SLC7A5: variants seen among roughly 807,000 people sequenced by gnomAD.
The protein encoded by SLC7A5 is large neutral amino acids transporter small subunit 1.
SLC7A5 carries 23 observed loss-of-function variants against 50.2 expected under a neutral mutation model. That is an observed-to-expected ratio of 0.46 (90% confidence interval 0.33 to 0.65). SLC7A5 has a LOEUF of 0.65. SLC7A5 is among the 30% of genes least tolerant of loss of function. The pLI is 0.02. For missense variants in SLC7A5, 578 were observed against 684.4 expected, an observed-to-expected ratio of 0.84 and a Z score of 1.73; for synonymous variants, 393 against 330.6, an observed-to-expected ratio of 1.19 and a Z score of -2.05.
chr16:87,834,452 C>T lies in SLC7A5; in HGVS notation c.1430G>A (p.Trp477Ter). Residue 477 changes from tryptophan to a stop codon, truncating the protein, a stop_gained, in exon 9 of 10, where the codon TGG becomes TAG. Coordinates refer to ENST00000261622, the MANE Select transcript of SLC7A5 (RefSeq NM_003486.7). LOFTEE classifies it high-confidence loss of function. ...SGLPVYFFGVWWKNKPKWLLQ... is the reference protein window; with the variant it reads ...SGLPVYFFGV ...GAGCCACTTGGGCTTGTTTTTCCAC[C>T]AGACCCCGAAGAAGTAGACGGGCAG... 1.3e-6 allele frequency: 2 copies of T among 1,561,102 alleles called. No homozygotes were observed. Among genetic ancestry groups the T allele is most frequent in the Non-Finnish European group, 8.7e-7 (1 of 1,152,340 alleles).
chr16:87,867,132 C>G (rs919510805), intron 1 of SLC7A5, among the ~76,000 whole-genome samples: 2 of 152,166 alleles, frequency 1.3e-5, no homozygotes, highest in African/African-American at 4.8e-5. Context: ...GTTGGTCAGG[C>G]TGGTCTCGAA....
intron 1 of SLC7A5, among the ~76,000 whole-genome samples, chr16:87,855,579 G>A (rs910960795): frequency 1.3e-5 from 2 of 151,934 alleles, no homozygotes; most frequent in African/African-American, 4.8e-5. Context: ...CCTGATGCCC[G>A]TGAACGCTCA....
rs1460326082 is a variant in SLC7A5 at position 87,834,561 on chromosome 16, G to A, written c.1321C>T (p.Leu441=). Residue 441 remains leucine (L), a synonymous_variant, in exon 9 of 10, where the codon CTG becomes TTG. Coordinates refer to ENST00000261622, the MANE Select transcript of SLC7A5 (RefSeq NM_003486.7). ...VNLALPVFFI[L]ACLFLIAVSF... ...ACGGCGATCAGGAAGAGGCAGGCCA[G>A]GATGAAGAACACAGGCAGGGCCAGG... 1 of 1,598,016 alleles carries A rather than the reference G, an allele frequency of 6.3e-7. No individual in the cohort carries two copies. The highest frequency in any genetic ancestry group is 1.8e-5 in the Admixed American group (1 of 56,434).
intron 4 of SLC7A5, 40 bp from the exon 5 acceptor site, chr16:87,839,865 G>A (rs33967518): frequency 0.053 from 85,605 of 1,611,880 alleles, 3,028 homozygotes; most frequent in South Asian, 0.15. Context: ...AACGCAGCCC[G>A]GGCTGAAGGC....
chr16:87,843,254 G>A (rs1014609928), intron 2 of SLC7A5, among the ~76,000 whole-genome samples: 2 of 151,676 alleles, frequency 1.3e-5, no homozygotes, highest in African/African-American at 4.8e-5. Flanking sequence ...CACAGAGGGT[G>A]GCTGCTTTTG....
At chr16:87,838,236 C>T (rs956520920) in intron 6 of SLC7A5, among the ~76,000 whole-genome samples, 5 of 150,724 alleles carry the variant, frequency 3.3e-5, no homozygotes, top group Admixed American at 2.0e-4. Flanking sequence ...AGTGGGGAGG[C>T]GAGGGCCAAA....
chr16:87,867,158 G>A (rs1416425089), intron 1 of SLC7A5, among the ~76,000 whole-genome samples: 4 of 152,226 alleles, frequency 2.6e-5, no homozygotes, highest in Admixed American at 2.6e-4. Context: ...GACCTCGGTA[G>A]ATCCGCCCGT....
intron 1 of SLC7A5, among the ~76,000 whole-genome samples, chr16:87,863,183 C>G (rs2055420455): frequency 6.6e-6 from 1 of 152,200 alleles, no homozygotes; most frequent in Non-Finnish European, 1.5e-5. Flanking sequence ...GTATCTTCTC[C>G]ACGATGCAGT....
At position 87,832,210 on chromosome 16, in the gene SLC7A5, A is replaced by G. The variant is rs1420992152; in HGVS notation, c.*760T>C. ...TCAGCCTCCAAAACTGGACACAGAA[A>G]TAGCCAAGAGGCCACACTGCCCAGA... On this transcript the variant is annotated 3_prime_UTR_variant, in exon 10 of 10. Transcript: ENST00000261622. The surrounding 1 kb of genome is among the most constrained non-coding windows in gnomAD (Gnocchi z 4.6). The G allele has an allele frequency of 6.6e-6, 1 of 152,304 alleles. No homozygotes were observed. Among genetic ancestry groups the G allele is most frequent in the Non-Finnish European group, 1.5e-5 (1 of 68,108 alleles). The allele number at this position is 152,304 out of a possible 1,614,324, so 9.4% of individuals were successfully genotyped here.
chr16:87,850,899 C>T (rs1346309572), intron 2 of SLC7A5, among the ~76,000 whole-genome samples: 2 of 152,166 alleles, frequency 1.3e-5, no homozygotes, highest in African/African-American at 4.8e-5. Flanking sequence ...GTTAAAGGGT[C>T]CAGAGACACC....
At chr16:87,840,983 G>C in intron 3 of SLC7A5, 67 bp downstream of exon 3, 1 of 1,101,314 alleles carries the variant, frequency 9.1e-7, no homozygotes, top group Admixed American at 1.7e-5. Flanking sequence ...TGGGAGATTT[G>C]GGATTCCTGG....
At chr16:87,836,393 TCCAGAGGCTGAG>T (rs1026540662) in intron 8 of SLC7A5, 93 bp downstream of exon 8, 8 of 1,337,974 alleles carry the variant, frequency 6.0e-6, no homozygotes, top group Non-Finnish European at 8.4e-6. Context: ...CAGGGGCAGG[TCCAGAGGCTGAG>T]CTGGGATGCT....
At chr16:87,842,285 C>G (rs926088924) in intron 2 of SLC7A5, among the ~76,000 whole-genome samples, 1 of 152,182 alleles carries the variant, frequency 6.6e-6, no homozygotes, top group Non-Finnish European at 1.5e-5. Context: ...CTCACAGGGC[C>G]AGGCAGGGAC....
At chr16:87,855,035 G>A (rs1335955677) in intron 1 of SLC7A5, among the ~76,000 whole-genome samples, 2 of 152,244 alleles carry the variant, frequency 1.3e-5, no homozygotes, top group African/African-American at 4.8e-5. Context: ...CCAGGGCCTT[G>A]GCCAGGACAC....
rs184446886 is a variant in SLC7A5, at chr16:87,853,890, A to G, written c.539-2041T>C. ...GACAGGCGCTGCGGAGACACTGAGC[A>G]CTGCCCTCGCGGCTGTCACGTCTGC... On this transcript the variant is annotated intron_variant, in intron 1 of 9. Coordinates refer to ENST00000261622, the MANE Select transcript of SLC7A5 (RefSeq NM_003486.7). This position sits in a 1 kb window ranked among gnomAD's most constrained non-coding sequence, Gnocchi z 4.4. 0.066 allele frequency: 9,945 copies of G among 151,784 alleles called. 399 individuals carry two copies. The highest frequency in any genetic ancestry group is 0.25 in the Middle Eastern group (73 of 294). 9.4% of individuals were successfully genotyped at this position (151,784 alleles called of 1,614,324 possible). A position where few individuals can be genotyped will look rare whatever the true frequency, so the allele number is the denominator to read the frequency against.
chr16:87,850,864 C>G (rs1379427701), intron 2 of SLC7A5, among the ~76,000 whole-genome samples: 1 of 152,198 alleles, frequency 6.6e-6, no homozygotes, highest in African/African-American at 2.4e-5. Flanking sequence ...CAGGCAGACA[C>G]AGAACACAGA....
rs1408757115 is a variant in SLC7A5, at chr16:87,860,406, A to C, written c.538+8479T>G. 6.6e-6 allele frequency among the ~76,000 whole-genome samples: 1 copy of C among 150,786 alleles called. No individual in the cohort carries two copies. Among genetic ancestry groups the C allele is most frequent in the Admixed American group, 6.6e-5 (1 of 15,138 alleles). On this transcript the variant is annotated intron_variant, in intron 1 of 9. Coordinates refer to ENST00000261622, the MANE Select transcript of SLC7A5 (RefSeq NM_003486.7). This position sits in a 1 kb window ranked among gnomAD's most constrained non-coding sequence, Gnocchi z 4.8. Reference sequence around the variant, plus strand: ...CACACACACACACACACACATATATATATAAAGAAAAAGGAAATCTTCGAA... The same window carrying C: ...CACACACACACACACACACATATATCTATAAAGAAAAAGGAAATCTTCGAA...
chr16:87,837,165 G>A (rs1051754688), intron 7 of SLC7A5, among the ~76,000 whole-genome samples: 1 of 152,252 alleles, frequency 6.6e-6, no homozygotes, highest in Non-Finnish European at 1.5e-5. Context: ...GGACCTCTGA[G>A]GCCAGCCCAC....
In SLC7A5 at chr16:87,840,443, C is replaced by T; in HGVS notation, c.801G>A (p.Met267Ile). ...WNYLNFVTEEMINPYRNLPLA... is the reference protein window; with the variant it reads ...WNYLNFVTEEIINPYRNLPLA... ...CTTGCACGTACCTGTAGGGGTTGAT[C>T]ATTTCCTCTGTGACGAAATTCAAGT... The change falls in exon 4 of 10, where the codon ATG becomes ATA. Residue 267 changes from methionine to isoleucine, a missense_variant. Physicochemically the swap from Met to Ile is conservative, Grantham distance 10. This residue lies in a region of SLC7A5 where 465 missense variants were observed against 594.6 expected (regional missense o/e 0.78). Transcript: ENST00000261622. 1 of 1,612,690 alleles carries T rather than the reference C, an allele frequency of 6.2e-7. No individual in the cohort carries two copies. Among genetic ancestry groups the T allele is most frequent in the Admixed American group, 1.7e-5 (1 of 60,034 alleles).
Sources: gnomAD v4.1 joint callset for allele counts (sites outside exome capture counted in the v4.1 genomes callset) on GRCh38, gnomAD v4.1.1 for gene constraint, gnomAD v4.1.1 regional missense constraint, Gnocchi (gnomAD v3.1) non-coding constraint, MANE v1.5 for transcripts, NCBI Gene and HGNC (gene_info 2026-07-23, HGNC 2026-07-21) for gene names.